Variants in ITGA8 observed in about 807,000 individuals in gnomAD.
The protein encoded by ITGA8 is integrin subunit alpha 8.
Under a neutral mutation model 142.3 loss-of-function variants are expected in ITGA8, and 91 were observed. The observed-to-expected ratio is 0.64, with a 90% CI of 0.54 to 0.76. The LOEUF is 0.76. Ranked by LOEUF, ITGA8 falls within the 30% of genes least tolerant of loss-of-function variation. The probability of loss-of-function intolerance (pLI) is 0.00; values close to 1 mark genes in which losing one functional copy is unlikely to be tolerated. For synonymous variants in ITGA8, 505 were observed against 485.2 expected (o/e 1.04, Z -0.54); for missense variants, 1,406 against 1,327.7 (o/e 1.06, Z -0.92).
At chr10:15,650,513 C>T (rs935004285) in intron 11 of ITGA8, among the ~76,000 whole-genome samples, 8 of 152,150 alleles carry the variant, frequency 5.3e-5, no homozygotes, top group Non-Finnish European at 1.2e-4. Flanking sequence ...ACATGTGATG[C>T]CTGGCACCAC....
At chr10:15,713,948 T>C (rs1835405971) in intron 2 of ITGA8, among the ~76,000 whole-genome samples, 1 of 152,180 alleles carries the variant, frequency 6.6e-6, no homozygotes. Context: ...TAGTGGTCTT[T>C]CTCAGATGAC....
intron 24 of ITGA8, among the ~76,000 whole-genome samples, chr10:15,574,483 C>T (rs1377008636): frequency 2.6e-5 from 4 of 152,088 alleles, no homozygotes; most frequent in African/African-American, 7.2e-5. Context: ...CTCTGCCTCC[C>T]AGGTTCAAGC....
chr10:15,675,615 T>A (rs112372859), intron 6 of ITGA8, among the ~76,000 whole-genome samples: 1 of 152,204 alleles, frequency 6.6e-6, no homozygotes, highest in Non-Finnish European at 1.5e-5. Context: ...CTTGGCCAAC[T>A]TTCAATCTAT....
At chr10:15,535,299 C>T (rs1374441238) in intron 27 of ITGA8, among the ~76,000 whole-genome samples, 1 of 152,186 alleles carries the variant, frequency 6.6e-6, no homozygotes, top group African/African-American at 2.4e-5. Context: ...TCCCATCAAC[C>T]ACCCAAGGGC....
At chr10:15,645,341 TC>T (rs1230805368) in intron 12 of ITGA8, among the ~76,000 whole-genome samples, 1 of 152,128 alleles carries the variant, frequency 6.6e-6, no homozygotes, top group Non-Finnish European at 1.5e-5. Context: ...TTAGAATGCT[TC>T]TTTTATCTTT....
At chr10:15,674,333 A>G (rs959916395) in intron 6 of ITGA8, among the ~76,000 whole-genome samples, 1 of 152,194 alleles carries the variant, frequency 6.6e-6, no homozygotes, top group Non-Finnish European at 1.5e-5. Flanking sequence ...TTAAACCTGA[A>G]TAAAATTTTA....
intron 2 of ITGA8, 70 bp downstream of exon 2, chr10:15,718,696 A>G (rs1424111429): frequency 6.3e-6 from 10 of 1,580,534 alleles, no homozygotes; most frequent in Non-Finnish European, 8.7e-6. Context: ...GACAGCGGGA[A>G]GTCGCCTCTG....
At chr10:15,524,045 A>G (rs1833120519) in intron 28 of ITGA8, among the ~76,000 whole-genome samples, 1 of 152,248 alleles carries the variant, frequency 6.6e-6, no homozygotes, top group Admixed American at 6.5e-5. Context: ...TTAGCGGGAA[A>G]GAATACACAG....
At position 15,646,962 on chromosome 10, in the gene ITGA8, A is replaced by T; in HGVS notation, c.1091T>A (p.Leu364Ter). 1 of 1,614,124 alleles carries T rather than the reference A, an allele frequency of 6.2e-7. No homozygotes were observed. The highest frequency in any genetic ancestry group is 8.5e-7 in the Non-Finnish European group (1 of 1,180,016). The change falls in exon 12 of 30, where the codon TTG becomes TAG. Residue 364 changes from leucine (L) to a stop codon, truncating the protein, a stop_gained. Coordinates refer to ENST00000378076, the MANE Select transcript of ITGA8 (RefSeq NM_003638.3). LOFTEE classifies it high-confidence loss of function. ...TCTGAAGAGGAGAGAGCTCACTTGC[A>T]AATACAGGTAGATTTGCCCTACTTC... ...PREVGQIYLYLQVSSLLFRDP... is the reference protein window; with the variant it reads ...PREVGQIYLY
chr10:15,554,504 T>C (rs1833854265), intron 26 of ITGA8, among the ~76,000 whole-genome samples: 1 of 135,690 alleles, frequency 7.4e-6, no homozygotes. Flanking sequence ...TCCTGAGTCT[T>C]GTCTCCTGTA....
intron 13 of ITGA8, among the ~76,000 whole-genome samples, chr10:15,618,006 T>A (rs904116391): frequency 6.6e-6 from 1 of 152,156 alleles, no homozygotes; most frequent in East Asian, 1.9e-4. Context: ...TTCTCACTTA[T>A]AAGTGGGAGC....
At chr10:15,610,422 T>TG in intron 15 of ITGA8, among the ~76,000 whole-genome samples, 1 of 152,212 alleles carries the variant, frequency 6.6e-6, no homozygotes, top group Non-Finnish European at 1.5e-5. Context: ...TAAACTTTCA[T>TG]TAAATTAGAA....
At chr10:15,715,823 A>G (rs995723566) in intron 2 of ITGA8, among the ~76,000 whole-genome samples, 6 of 152,358 alleles carry the variant, frequency 3.9e-5, no homozygotes, top group African/African-American at 1.2e-4. Flanking sequence ...ACAGCATTGC[A>G]TCAAGTAGCT....
At position 15,683,882 on chromosome 10, in the gene ITGA8, C is replaced by A. The variant is rs893467996; in HGVS notation, c.568+122G>T. On this transcript the variant is annotated intron_variant, in intron 4 of 29. Coordinates refer to ENST00000378076, the MANE Select transcript of ITGA8 (RefSeq NM_003638.3). ...AGGCTGACAAAAATCTTTACCTACCCCCGAAGCTTTTTCCTTGCAACCCTG... is the reference window on the plus strand; with the variant it reads ...AGGCTGACAAAAATCTTTACCTACCACCGAAGCTTTTTCCTTGCAACCCTG... 5.4e-6 allele frequency: 6 copies of A among 1,111,280 alleles called. No homozygotes were observed. The African/African-American group carries it at 7.9e-5, about 15-fold the overall frequency. The allele number at this position is 1,111,280 out of a possible 1,614,324, so 68.8% of individuals were successfully genotyped here.
At chr10:15,537,366 G>T (rs182718332) in intron 27 of ITGA8, among the ~76,000 whole-genome samples, 2 of 152,178 alleles carry the variant, frequency 1.3e-5, no homozygotes, top group Non-Finnish European at 2.9e-5. Flanking sequence ...AGAAATTTGG[G>T]CTAAGGATGT....
At chr10:15,573,643 C>T (rs1163474950) in intron 24 of ITGA8, among the ~76,000 whole-genome samples, 1 of 151,966 alleles carries the variant, frequency 6.6e-6, no homozygotes, top group Non-Finnish European at 1.5e-5. Context: ...TTTGAAAAGG[C>T]TTTATTGTTA....
rs867982272 is a variant in ITGA8 at position 15,679,263 on chromosome 10, C to T, written c.569-480G>A. On this transcript the variant is annotated intron_variant, in intron 4 of 29. Coordinates refer to ENST00000378076, the MANE Select transcript of ITGA8 (RefSeq NM_003638.3). ...CCACCAATAAGCATTTCCACTGTTA[C>T]GCTCTTTAAGAGGAACTTAATTTTA... Among the ~76,000 whole-genome samples the T allele has an allele frequency of 2.8e-4, 42 of 152,248 alleles. 1 individual carries two copies. The highest frequency in any genetic ancestry group is 3.4e-3 in the Middle Eastern group (1 of 294).
rs1004696968 is a variant in ITGA8 at position 15,515,284 on chromosome 10, T to C, written c.*1874A>G. ...AGGCAACTTCAGTGCTCATCCGTAG[T>C]CAGCCACACAAACCAGCCTTGAGCT... On this transcript the variant is annotated 3_prime_UTR_variant, in exon 30 of 30. Transcript: ENST00000378076. 1 of 152,290 alleles carries C rather than the reference T, an allele frequency of 6.6e-6. No homozygotes were observed. The highest frequency in any genetic ancestry group is 2.4e-5 in the African/African-American group (1 of 41,442). The allele number at this position is 152,290 out of a possible 1,614,324, so 9.4% of individuals were successfully genotyped here. A position where few individuals can be genotyped will look rare whatever the true frequency, so the allele number is the denominator to read the frequency against.
chr10:15,531,248 G>T, intron 27 of ITGA8, 97 bp from the exon 28 acceptor site: 2 of 596,862 alleles, frequency 3.4e-6, no homozygotes, highest in Non-Finnish European at 2.6e-6. Flanking sequence ...TGCATTTCAA[G>T]GCAAAATTTC....
Sources: gnomAD v4.1 joint callset for allele counts (sites outside exome capture counted in the v4.1 genomes callset) on GRCh38, gnomAD v4.1.1 for gene constraint, MANE v1.5 for transcripts, NCBI Gene and HGNC (gene_info 2026-07-23, HGNC 2026-07-21) for gene names.